Variants in LMTK2 observed in about 807,000 individuals in gnomAD.
LMTK2 encodes the protein lemur tail kinase 2.
LMTK2 carries 37 observed loss-of-function variants against 127.5 expected under a neutral mutation model. The ratio of observed to expected loss-of-function variants is 0.29; its 90% CI spans 0.22 to 0.38. The LOEUF (loss-of-function observed/expected upper bound fraction) is 0.38. LMTK2 is among the 10% of genes least tolerant of loss of function. The probability of loss-of-function intolerance (pLI) is 1.00; values close to 1 mark genes in which losing one functional copy is unlikely to be tolerated. For synonymous variants in LMTK2, 819 were observed against 810.1 expected, an observed-to-expected ratio of 1.01 and a Z score of -0.19; for missense variants, 1,694 against 1,920.3, an observed-to-expected ratio of 0.88 and a Z score of 2.20.
At chr7:98,153,034 A>C (rs898998975) in intron 4 of LMTK2, among the ~76,000 whole-genome samples, 6 of 152,196 alleles carry the variant, frequency 3.9e-5, no homozygotes, top group Non-Finnish European at 8.8e-5. Flanking sequence ...CTGTCAACTG[A>C]AATGCAACAG....
intron 1 of LMTK2, among the ~76,000 whole-genome samples, chr7:98,113,691 A>G (rs1045452953): frequency 3.9e-5 from 6 of 152,236 alleles, no homozygotes; most frequent in Admixed American, 3.9e-4. Context: ...TCTCTGATCT[A>G]GAAGACTGCT....
At chr7:98,184,730 G>C (rs969714520) in intron 7 of LMTK2, among the ~76,000 whole-genome samples, 12 of 151,288 alleles carry the variant, frequency 7.9e-5, no homozygotes, top group African/African-American at 2.2e-4. Flanking sequence ...TAAATTGAAT[G>C]AGAAAAAAAA....
chr7:98,159,381 G>C lies in LMTK2; in HGVS notation c.613G>C (p.Val205Leu). ...PNILQCVGQCVEAIPYLLVFE... is the reference protein window; with the variant it reads ...PNILQCVGQCLEAIPYLLVFE... The stretch of plus-strand genomic sequence containing the variant: ...TATTCTTCAGTGTGTTGGACAGTGC[G>C]TAGAAGCGATTCCCTACCTCCTGGT... The change falls in exon 6 of 14, where the codon GTA (valine) becomes CTA (leucine). Residue 205 changes from valine to leucine, a missense_variant. Physicochemically the swap from Val to Leu is conservative, Grantham distance 32. Around this residue, in one of 8 missense-constraint regions of LMTK2, gnomAD observed 203 missense variants for 226.2 expected, o/e 0.90. Transcript: ENST00000297293. 1.2e-6 allele frequency: 2 copies of C among 1,612,686 alleles called. No individual in the cohort carries two copies. The highest frequency in any genetic ancestry group is 2.7e-5 in the African/African-American group (2 of 74,992).
chr7:98,113,136 A>G (rs1740959927), intron 1 of LMTK2, among the ~76,000 whole-genome samples: 1 of 152,066 alleles, frequency 6.6e-6, no homozygotes, highest in South Asian at 2.1e-4. Flanking sequence ...CGTAATCCCC[A>G]TATGTCGTGT....
Position 98,121,135 on chromosome 7 carries a change from G to A in LMTK2, c.103+13855G>A, listed in dbSNP as rs370612913. Reference sequence around the variant, plus strand: ...CAAGAGTGAGGGTCCTAAGGTCCAGGCCACCCGTTCACCCTGGTGAACCGC... The same window carrying A: ...CAAGAGTGAGGGTCCTAAGGTCCAGACCACCCGTTCACCCTGGTGAACCGC... On this transcript the variant is annotated intron_variant, in intron 1 of 13. Transcript: ENST00000297293. Among the ~76,000 whole-genome samples the A allele has an allele frequency of 5.9e-5, 9 of 152,218 alleles. No homozygotes were observed. The East Asian group carries it at 1.7e-3, about 29-fold the overall frequency.
At chr7:98,199,335 C>T (rs1054589094) in intron 11 of LMTK2, among the ~76,000 whole-genome samples, 7 of 152,070 alleles carry the variant, frequency 4.6e-5, no homozygotes, top group African/African-American at 1.7e-4. Flanking sequence ...TTAGATTTGT[C>T]TATTTCTCTT....
chr7:98,151,030 A>C (rs1044036487), intron 3 of LMTK2, among the ~76,000 whole-genome samples: 1 of 152,230 alleles, frequency 6.6e-6, no homozygotes, highest in African/African-American at 2.4e-5. Context: ...TTAAAAATTA[A>C]GGAGAGTAGT....
At chr7:98,121,974 G>T (rs1320462166) in intron 1 of LMTK2, among the ~76,000 whole-genome samples, 1 of 152,076 alleles carries the variant, frequency 6.6e-6, no homozygotes. Flanking sequence ...CAGCCTGGGC[G>T]ACAGAGCCGG....
At chr7:98,174,431 T>C (rs1797245853) in intron 7 of LMTK2, among the ~76,000 whole-genome samples, 1 of 152,236 alleles carries the variant, frequency 6.6e-6, no homozygotes, top group Non-Finnish European at 1.5e-5. Flanking sequence ...GTCGTGCATG[T>C]GACTTTTGGA....
chr7:98,156,321 C>T (rs914826124), intron 5 of LMTK2, among the ~76,000 whole-genome samples: 11 of 152,010 alleles, frequency 7.2e-5, no homozygotes, highest in Admixed American at 2.0e-4. Context: ...AAAAATTAGT[C>T]GGGCGTGGTG....
chr7:98,200,161 C>T (rs1240621399), intron 11 of LMTK2, among the ~76,000 whole-genome samples: 2 of 152,012 alleles, frequency 1.3e-5, no homozygotes, highest in Non-Finnish European at 2.9e-5. Context: ...TTAAACTTCT[C>T]ACAATCTACT....
chr7:98,204,971 C>T (rs1357677256), intron 13 of LMTK2, among the ~76,000 whole-genome samples: 1 of 152,182 alleles, frequency 6.6e-6, no homozygotes, highest in Non-Finnish European at 1.5e-5. Flanking sequence ...CCTGGTGTGG[C>T]TCCCGAGGGC....
At chr7:98,200,204 G>T (rs116896023) in intron 11 of LMTK2, among the ~76,000 whole-genome samples, 1 of 152,234 alleles carries the variant, frequency 6.6e-6, no homozygotes, top group South Asian at 2.1e-4. Context: ...CAGATGGAAT[G>T]TGGAAACCCT....
At chr7:98,190,247 C>CT (rs1562919565) in intron 9 of LMTK2, among the ~76,000 whole-genome samples, 1 of 152,150 alleles carries the variant, frequency 6.6e-6, no homozygotes, top group East Asian at 1.9e-4. Flanking sequence ...AGAAATGCCT[C>CT]TTTTTTTGCT....
At chr7:98,205,282 A>T (rs1797772557) in intron 13 of LMTK2, among the ~76,000 whole-genome samples, 182 bp from the exon 14 acceptor site, 1 of 152,202 alleles carries the variant, frequency 6.6e-6, no homozygotes, top group Admixed American at 6.5e-5. Context: ...AGCCTAGCAG[A>T]TGTGGGAGAG....
At chr7:98,153,540 G>A (rs1288881483) in intron 4 of LMTK2, among the ~76,000 whole-genome samples, 2 of 152,122 alleles carry the variant, frequency 1.3e-5, no homozygotes, top group East Asian at 3.8e-4. Context: ...AAGAGGAGAC[G>A]GTGCATTTAG....
In LMTK2 at chr7:98,179,321, CT is replaced by C. The variant is rs150727058; in HGVS notation, c.792-5729del. On this transcript the variant is annotated intron_variant, in intron 7 of 13. Transcript: ENST00000297293. ...CCAAGCTAGCCTCAGGCTGCTGCCC[CT>C]GGCCTAGCAGGATGCGTGCTTGCCC... Among the ~76,000 whole-genome samples, 243 of 152,342 alleles carry C rather than the reference CT, an allele frequency of 1.6e-3. 2 individuals are homozygous for C. The highest frequency in any genetic ancestry group is 5.6e-3 in the African/African-American group (234 of 41,584).
At chr7:98,203,530 G>A (rs377178552) in intron 11 of LMTK2, 44 bp from the exon 12 acceptor site, 191 of 1,557,036 alleles carry the variant, frequency 1.2e-4, no homozygotes, top group Middle Eastern at 1.0e-3. Context: ...GGGGGTTCCC[G>A]TGAGCAGGCC....
chr7:98,184,781 G>A (rs1455560416), intron 7 of LMTK2, among the ~76,000 whole-genome samples: 3 of 152,118 alleles, frequency 2.0e-5, no homozygotes, highest in Non-Finnish European at 2.9e-5. Flanking sequence ...CCATACATCC[G>A]GTTTTAATGT....
Sources: gnomAD v4.1 joint callset for allele counts (sites outside exome capture counted in the v4.1 genomes callset) on GRCh38, gnomAD v4.1.1 for gene constraint, gnomAD v4.1.1 regional missense constraint, MANE v1.5 for transcripts, NCBI Gene and HGNC (gene_info 2026-07-23, HGNC 2026-07-21) for gene names.